The following DSP variants were observed in gnomAD, a reference collection of about 807,000 sequenced individuals.
DSP encodes the protein desmoplakin.
DSP carries 114 observed loss-of-function variants against 290.6 expected under a neutral mutation model. That is an observed-to-expected ratio of 0.39 (90% CI 0.34 to 0.46). The LOEUF (loss-of-function observed/expected upper bound fraction) is 0.46. Ranked by LOEUF, DSP falls within the 20% of genes least tolerant of loss-of-function variation. The pLI, the probability that DSP is intolerant of heterozygous loss-of-function variation, is 0.99. For synonymous variants in DSP, 1,311 were observed against 1,316.4 expected, an observed-to-expected ratio of 1.00 and a Z score of 0.09; for missense variants, 3,230 against 3,495.8, an observed-to-expected ratio of 0.92 and a Z score of 1.92.
intron 9 of DSP, 137 bp from the exon 10 acceptor site, chr6:7,567,644 A>G (rs575153925): frequency 2.2e-6 from 3 of 1,394,120 alleles, no homozygotes; most frequent in Non-Finnish European, 3.0e-6. Context: ...ACATACCTAA[A>G]TACTTTCTGC....
rs746233983 is a variant in DSP, at chr6:7,571,601, T to C, written c.1903+17T>C. 9 of 1,613,906 alleles carry C rather than the reference T, an allele frequency of 5.6e-6. No individual in the cohort carries two copies. The highest frequency in any genetic ancestry group is 6.8e-6 in the Non-Finnish European group (8 of 1,179,838). On this transcript the variant is annotated intron_variant, in intron 14 of 23. Coordinates refer to ENST00000379802, the MANE Select transcript of DSP (RefSeq NM_004415.4). ...ACCAGACAGGTCGGCTTGGGACATC[T>C]TTCTCTTTGTATCAACCATCCATAC...
intron 18 of DSP, 127 bp from the exon 19 acceptor site, chr6:7,576,167 A>G: frequency 2.8e-6 from 3 of 1,077,204 alleles, no homozygotes; most frequent in Non-Finnish European, 4.0e-6. Context: ...ACATTCATGT[A>G]TAAGTTTTTA....
At position 7,585,693 on chromosome 6, in the gene DSP, A is replaced by G. The variant is rs767865137; in HGVS notation, c.8431A>G (p.Lys2811Glu). 6 of 1,614,182 alleles carry G rather than the reference A, an allele frequency of 3.7e-6. No individual in the cohort carries two copies. Among genetic ancestry groups the G allele is most frequent in the Non-Finnish European group, 4.2e-6 (5 of 1,180,018 alleles). The change falls in exon 24 of 24, where the codon AAG (lysine) becomes GAG (glutamate). Residue 2811 changes from lysine to glutamate, a missense_variant. Around this residue, in one of 5 missense-constraint regions of DSP, gnomAD observed 582 missense variants for 555.4 expected, o/e 1.05. Transcript: ENST00000379802. ...TCTGGAAGCCGCCTCCGTGTCGTCC[A>G]AGGGCTTACCCAGCCCTTACAACAT... is the stretch of plus-strand genomic sequence containing the variant. The part of the protein sequence containing the change: ...RLLEAASVSS[K>E]GLPSPYNMSS...
chr6:7,570,426 G>A lies in DSP; in HGVS notation c.1575-11G>A. On this transcript the variant is annotated splice_polypyrimidine_tract_variant and intron_variant, in intron 12 of 23. Transcript: ENST00000379802. The stretch of plus-strand genomic sequence containing the variant: ...CCTGGCTCTAGCATGTTTTCCCTTT[G>A]TGCCTCTTAGGATTGAGCAGTACTA... The A allele has an allele frequency of 1.2e-6, 2 of 1,614,092 alleles. No homozygotes were observed. Among genetic ancestry groups the A allele is most frequent in the African/African-American group, 1.3e-5 (1 of 75,020 alleles).
Position 7,582,450 on chromosome 6 carries a change from A to G in DSP, c.5380-192A>G, listed in dbSNP as rs1286090462. Among the ~76,000 whole-genome samples the G allele has an allele frequency of 2.0e-5, 3 of 151,992 alleles. No homozygotes were observed. The East Asian group carries it at 5.8e-4, about 29-fold the overall frequency. On this transcript the variant is annotated intron_variant, in intron 23 of 23. Coordinates refer to ENST00000379802, the MANE Select transcript of DSP (RefSeq NM_004415.4). This position sits in a 1 kb window ranked among gnomAD's most constrained non-coding sequence, Gnocchi z 4.2. ...TATGAAGCCATTTATTGAAGTGGCA[A>G]CATATACAGAATTTTTCCCACAAAT...
intron 9 of DSP, 46 bp from the exon 10 acceptor site, chr6:7,567,735 C>T (rs769818832): frequency 6.2e-7 from 1 of 1,612,708 alleles, no homozygotes; most frequent in Non-Finnish European, 8.5e-7. Flanking sequence ...GATGAAATTG[C>T]TCATTGAGTT....
At chr6:7,547,874 A>T (rs1758210711) in intron 1 of DSP, among the ~76,000 whole-genome samples, 3 of 151,716 alleles carry the variant, frequency 2.0e-5, no homozygotes, top group African/African-American at 7.3e-5. Flanking sequence ...TACCCAATCC[A>T]TTTCTTCCTT....
chr6:7,542,272 C>T (rs1056722821), intron 1 of DSP, among the ~76,000 whole-genome samples, 187 bp downstream of exon 1: 1 of 143,070 alleles, frequency 7.0e-6, no homozygotes, highest in Non-Finnish European at 1.6e-5. Context: ...GACAGGTTGG[C>T]CCCTGTCCTG....
intron 1 of DSP, among the ~76,000 whole-genome samples, chr6:7,544,232 A>G (rs1004517034): frequency 6.6e-6 from 1 of 152,188 alleles, no homozygotes; most frequent in Non-Finnish European, 1.5e-5. Context: ...AAAATAGCCC[A>G]CAAATGCTGA....
Position 7,572,041 on chromosome 6 carries a change from C to T in DSP, c.2103C>T (p.His701=), listed in dbSNP as rs1426465502. The T allele has an allele frequency of 1.9e-6, 3 of 1,614,142 alleles. No individual in the cohort carries two copies. Among genetic ancestry groups the T allele is most frequent in the Non-Finnish European group, 2.5e-6 (3 of 1,180,000 alleles). The change falls in exon 15 of 24, where the codon CAC becomes CAT. Residue 701 remains histidine, a synonymous_variant. Coordinates refer to ENST00000379802, the MANE Select transcript of DSP (RefSeq NM_004415.4). ...LPLADQGSSH[H]ITVKINELKS... is the part of the protein sequence containing the mutation. Reference sequence around the variant, plus strand: ...TAGCAGACCAGGGATCTTCTCACCACATCACAGTGAAAATTAACGAGCTTA... The same window carrying T: ...TAGCAGACCAGGGATCTTCTCACCATATCACAGTGAAAATTAACGAGCTTA...
intron 9 of DSP, 48 bp from the exon 10 acceptor site, chr6:7,567,733 T>G (rs1379146673): frequency 6.2e-7 from 1 of 1,612,824 alleles, no homozygotes; most frequent in Admixed American, 1.7e-5. Context: ...TAGATGAAAT[T>G]GCTCATTGAG....
chr6:7,550,722 G>T (rs1758314445), intron 1 of DSP, among the ~76,000 whole-genome samples: 1 of 151,350 alleles, frequency 6.6e-6, no homozygotes, highest in Non-Finnish European at 1.5e-5. Flanking sequence ...TTTTTTCAAG[G>T]GCACCTATTA....
chr6:7,550,069 G>C (rs550844757), intron 1 of DSP, among the ~76,000 whole-genome samples: 2 of 151,686 alleles, frequency 1.3e-5, no homozygotes, highest in East Asian at 3.9e-4. Flanking sequence ...ACAAGGTCTT[G>C]TTCTTTCGCC....
At chr6:7,544,653 G>A (rs576179675) in intron 1 of DSP, among the ~76,000 whole-genome samples, 5 of 152,092 alleles carry the variant, frequency 3.3e-5, no homozygotes, top group Admixed American at 2.6e-4. Flanking sequence ...AAATTTGAAT[G>A]TGTGGAGGGC....
intron 3 of DSP, among the ~76,000 whole-genome samples, chr6:7,559,003 C>T (rs1009112224): frequency 1.3e-5 from 2 of 152,100 alleles, no homozygotes; most frequent in South Asian, 2.1e-4. Flanking sequence ...AAGGCAGTGA[C>T]GCTTTCTATG....
rs1758774627 is a variant in DSP at position 7,563,785 on chromosome 6, T to C, written c.776T>C (p.Leu259Pro). ...YQLEEEYENLLKASFERMDHL... is the reference protein window; with the variant it reads ...YQLEEEYENLPKASFERMDHL... The stretch of plus-strand genomic sequence containing the variant: ...TTGGAGGAGGAGTATGAAAACCTGC[T>C]GGTAAGCTGATTTATTTCTCAAGTG... Residue 259 changes from leucine to proline, a missense_variant and splice_region_variant, in exon 6 of 24, where the codon CTG becomes CCG. This residue lies in a region of DSP where 646 missense variants were observed against 684.3 expected (regional missense o/e 0.94). Transcript: ENST00000379802. 1 of 1,613,514 alleles carries C rather than the reference T, an allele frequency of 6.2e-7. No homozygotes were observed. The highest frequency in any genetic ancestry group is 8.5e-7 in the Non-Finnish European group (1 of 1,179,386).
At chr6:7,551,115 TA>T (rs1758329323) in intron 1 of DSP, among the ~76,000 whole-genome samples, 2 of 152,164 alleles carry the variant, frequency 1.3e-5, no homozygotes, top group Non-Finnish European at 2.9e-5. Flanking sequence ...GAACTTAACA[TA>T]GACATTTGTA....
At chr6:7,574,401 G>A (rs1455745385) in intron 16 of DSP, 149 bp downstream of exon 16, 22 of 918,346 alleles carry the variant, frequency 2.4e-5, no homozygotes, top group Middle Eastern at 6.7e-4. Context: ...TGTTAATTCC[G>A]CTAGCCTCGC....
In DSP at chr6:7,583,581, G is replaced by C. The variant is rs144263721; in HGVS notation, c.6319G>C (p.Val2107Leu). 94 of 1,614,188 alleles carry C rather than the reference G, an allele frequency of 5.8e-5. No homozygotes were observed. The African/African-American group carries it at 1.1e-3, about 19-fold the overall frequency. The change falls in exon 24 of 24, where the codon GTT becomes CTT. Residue 2107 changes from valine to leucine, a missense_variant. This residue lies in a region of DSP where 1,714 missense variants were observed against 1,844.5 expected (regional missense o/e 0.93). Coordinates refer to ENST00000379802, the MANE Select transcript of DSP (RefSeq NM_004415.4). This position sits in a 1 kb window ranked among gnomAD's most constrained non-coding sequence, Gnocchi z 4.0. The part of the protein sequence containing the change: ...DDPFSGKTVS[V>L]SEAIKKNLID... The stretch of plus-strand genomic sequence containing the variant: ...TCCATTTTCAGGCAAGACAGTATCT[G>C]TTTCAGAAGCCATCAAGAAAAATTT...
Sources: gnomAD v4.1 joint callset for allele counts (sites outside exome capture counted in the v4.1 genomes callset) on GRCh38, gnomAD v4.1.1 for gene constraint, gnomAD v4.1.1 regional missense constraint, Gnocchi (gnomAD v3.1) non-coding constraint, MANE v1.5 for transcripts, NCBI Gene and HGNC (gene_info 2026-07-23, HGNC 2026-07-21) for gene names.